The following APBB2 variants were observed in gnomAD, a reference collection of about 807,000 sequenced individuals.
APBB2 encodes the protein Fe65-like 1.
Under a neutral mutation model 82.5 loss-of-function variants are expected in APBB2, and 38 were observed. That is an observed-to-expected ratio of 0.46 (90% CI 0.36 to 0.60). The LOEUF (loss-of-function observed/expected upper bound fraction) is 0.60, where lower values mean the gene tolerates loss of function less well. Among genes scored for constraint, APBB2 ranks in the 20% least tolerant of loss-of-function variants. The pLI is 0.00. For missense variants in APBB2, 772 were observed against 972.3 expected (o/e 0.79, Z 2.74); for synonymous variants, 341 against 368.2 (o/e 0.93, Z 0.85).
At chr4:40,817,961 A>C (rs1255526649) in intron 17 of APBB2, among the ~76,000 whole-genome samples, 2 of 152,258 alleles carry the variant, frequency 1.3e-5, no homozygotes, top group Non-Finnish European at 2.9e-5. Context: ...TGGAATTTCA[A>C]ATAGTAGTCA....
At chr4:40,944,457 C>T (rs752676714) in intron 7 of APBB2, among the ~76,000 whole-genome samples, 1 of 152,106 alleles carries the variant, frequency 6.6e-6, no homozygotes, top group Non-Finnish European at 1.5e-5. Flanking sequence ...CAAACGAGCC[C>T]AAGGCTAATA....
At chr4:40,837,595 C>A (rs1438598491) in intron 12 of APBB2, among the ~76,000 whole-genome samples, 1 of 152,232 alleles carries the variant, frequency 6.6e-6, no homozygotes, top group African/African-American at 2.4e-5. Context: ...GATCATCAGA[C>A]ACGATCTGTC....
Position 41,006,454 on chromosome 4 carries a change from A to G in APBB2, c.835+7129T>C, listed in dbSNP as rs184620508. On this transcript the variant is annotated intron_variant, in intron 6 of 17. Coordinates refer to ENST00000508593, the MANE Select transcript of APBB2 (RefSeq NM_004307.2). The stretch of plus-strand genomic sequence containing the variant: ...GAAGACTGGGCCTAGGGATTTATTT[A>G]TTTATTTTTTATTTTTTTATTTTTT... 6.6e-3 allele frequency among the ~76,000 whole-genome samples: 1,006 copies of G among 152,142 alleles called. 16 individuals carry two copies. The highest frequency in any genetic ancestry group is 0.022 in the African/African-American group (896 of 41,520).
At chr4:41,016,523 T>C (rs377475882) in intron 5 of APBB2, among the ~76,000 whole-genome samples, 18 of 152,048 alleles carry the variant, frequency 1.2e-4, no homozygotes, top group East Asian at 3.9e-4. Context: ...TAGCCAGGCA[T>C]GGTGGCGCAT....
intron 5 of APBB2, among the ~76,000 whole-genome samples, chr4:41,027,516 T>C (rs1714934387): frequency 6.6e-6 from 1 of 151,852 alleles, no homozygotes; most frequent in African/African-American, 2.4e-5. Flanking sequence ...ACACTTGTTA[T>C]TGTCTTTTTT....
intron 6 of APBB2, among the ~76,000 whole-genome samples, chr4:41,006,663 G>A (rs1806836229): frequency 6.6e-6 from 1 of 152,004 alleles, no homozygotes; most frequent in Non-Finnish European, 1.5e-5. Flanking sequence ...ACGGGGTTTT[G>A]CCATGTTGGC....
At chr4:41,075,614 C>A (rs1400048315) in intron 3 of APBB2, among the ~76,000 whole-genome samples, 1 of 152,168 alleles carries the variant, frequency 6.6e-6, no homozygotes, top group African/African-American at 2.4e-5. Context: ...ATGTTTTCTT[C>A]CAGCTTGGAC....
At chr4:41,155,123 C>A (rs1763141047) in intron 1 of APBB2, among the ~76,000 whole-genome samples, 1 of 152,236 alleles carries the variant, frequency 6.6e-6, no homozygotes, top group South Asian at 2.1e-4. Context: ...TGGCATTTTA[C>A]TAACAACAAC....
At chr4:40,911,893 C>A (rs1778660570) in intron 10 of APBB2, among the ~76,000 whole-genome samples, 1 of 152,176 alleles carries the variant, frequency 6.6e-6, no homozygotes, top group African/African-American at 2.4e-5. Context: ...CCTCCCTCCT[C>A]CCTCTGCCCC....
At chr4:40,913,058 G>T (rs974676015) in intron 10 of APBB2, among the ~76,000 whole-genome samples, 1 of 152,182 alleles carries the variant, frequency 6.6e-6, no homozygotes, top group Non-Finnish European at 1.5e-5. Flanking sequence ...GAGGAAAATC[G>T]GAATGCACAC....
intron 13 of APBB2, 102 bp from the exon 14 acceptor site, chr4:40,827,321 G>C: frequency 2.1e-6 from 2 of 973,832 alleles, no homozygotes; most frequent in South Asian, 1.4e-5. Flanking sequence ...TTCCAAGTTA[G>C]ATCAGCTTTA....
intron 12 of APBB2, 27 bp downstream of exon 12, chr4:40,890,337 C>G (rs1409978755): frequency 6.2e-7 from 1 of 1,605,480 alleles, no homozygotes; most frequent in Non-Finnish European, 8.5e-7. Context: ...GGTGAGGTGA[C>G]CCAGACTGCC....
Position 40,907,378 on chromosome 4 carries a change from TA to T in APBB2, c.1255-13968del, listed in dbSNP as rs1197510706. Among the ~76,000 whole-genome samples the T allele has an allele frequency of 0.015, 424 of 27,606 alleles. 2 individuals are homozygous for T. In the East Asian group the frequency reaches 0.17, roughly 11 times the overall value. The allele number at this position is 27,606 out of a possible 152,430, so 18.1% of individuals were successfully genotyped here. A position where few individuals can be genotyped will look rare whatever the true frequency, so the allele number is the denominator to read the frequency against. ...ATATATATATATATATATATATATA[TA>T]TTTTTTTTTTTTTTTTTTTTTAGAC... On this transcript the variant is annotated intron_variant, in intron 10 of 17. Coordinates refer to ENST00000508593, the MANE Select transcript of APBB2 (RefSeq NM_004307.2).
intron 12 of APBB2, among the ~76,000 whole-genome samples, chr4:40,851,548 C>T (rs962459325): frequency 2.0e-5 from 3 of 151,960 alleles, no homozygotes; most frequent in Non-Finnish European, 2.9e-5. Flanking sequence ...ATTGTACTCT[C>T]GGCTGCTGCT....
rs1759702608 is a variant in APBB2 at position 41,143,120 on chromosome 4, AG to A, written c.-395del. 6.6e-6 allele frequency: 1 copy of A among 152,284 alleles called. No individual in the cohort carries two copies. Among genetic ancestry groups the A allele is most frequent in the South Asian group, 2.1e-4 (1 of 4,826 alleles). The allele number at this position is 152,284 out of a possible 1,614,324, so 9.4% of individuals were successfully genotyped here. On this transcript the variant is annotated 5_prime_UTR_variant, in exon 2 of 18. Transcript: ENST00000508593. ...AGCATGCTTGGCTACAGACCACAGCAGCTCACCCACAGCAACTCCAACCTGG... is the reference window on the plus strand; with the variant it reads ...AGCATGCTTGGCTACAGACCACAGCACTCACCCACAGCAACTCCAACCTGG...
At chr4:41,016,353 A>G (rs1210844487) in intron 5 of APBB2, among the ~76,000 whole-genome samples, 3 of 152,252 alleles carry the variant, frequency 2.0e-5, no homozygotes. Flanking sequence ...TATATCCTCA[A>G]TATGACAGAT....
intron 1 of APBB2, chr4:41,207,948 A>G (rs112100084): frequency 6.6e-6 from 1 of 152,232 alleles, no homozygotes; most frequent in Non-Finnish European, 1.5e-5. Flanking sequence ...ATATCTTCTT[A>G]TTTGAACAAT....
intron 12 of APBB2, among the ~76,000 whole-genome samples, chr4:40,871,605 T>C (rs1234660452): frequency 2.0e-5 from 3 of 152,198 alleles, no homozygotes; most frequent in Non-Finnish European, 2.9e-5. Context: ...TGTATAAAAC[T>C]GATTAAGTCG....
intron 17 of APBB2, among the ~76,000 whole-genome samples, chr4:40,818,761 G>A (rs1298538432): frequency 1.3e-5 from 2 of 152,172 alleles, no homozygotes; most frequent in Non-Finnish European, 1.5e-5. Context: ...TGTGACACCA[G>A]ATAACAAGTG....
Sources: gnomAD v4.1 joint callset for allele counts (sites outside exome capture counted in the v4.1 genomes callset) on GRCh38, gnomAD v4.1.1 for gene constraint, MANE v1.5 for transcripts, NCBI Gene and HGNC (gene_info 2026-07-23, HGNC 2026-07-21) for gene names.